ATP9A: variants seen among roughly 807,000 people sequenced by gnomAD.
ATP9A encodes the protein probable phospholipid-transporting ATPase IIA.
A neutral mutation model predicts 144.1 loss-of-function variants in ATP9A; 52 were observed. That is an observed-to-expected ratio of 0.36 (90% CI 0.29 to 0.45). The LOEUF (loss-of-function observed/expected upper bound fraction) is 0.45. Among genes scored for constraint, ATP9A ranks in the 20% least tolerant of loss-of-function variants. The pLI is 1.00. For missense variants in ATP9A, 947 were observed against 1,392.7 expected, an observed-to-expected ratio of 0.68 and a Z score of 5.09; for synonymous variants, 582 against 557.4, an observed-to-expected ratio of 1.04 and a Z score of -0.62.
chr20:51,696,418 C>T (rs1355441016), intron 5 of ATP9A, among the ~76,000 whole-genome samples: 3 of 152,192 alleles, frequency 2.0e-5, no homozygotes, highest in African/African-American at 7.2e-5. Context: ...CTGGCACATT[C>T]AACCATTACC....
chr20:51,608,655 C>T (rs950580057), intron 24 of ATP9A, 29 bp from the exon 25 acceptor site: 2 of 1,438,188 alleles, frequency 1.4e-6, no homozygotes, highest in Non-Finnish European at 2.0e-6. Context: ...ATAGGTAAGA[C>T]CTGGCTGACG....
In ATP9A at chr20:51,610,052, T is replaced by G. The variant is rs745942155; in HGVS notation, c.2636+49A>C. On this transcript the variant is annotated intron_variant, in intron 24 of 27. Coordinates refer to ENST00000338821, the MANE Select transcript of ATP9A (RefSeq NM_006045.3). ...CACGTTTCTTCTCTCTGTTGCAGCA[T>G]TTGAAGAAGGTTTTGTAAACAATTA... The G allele has an allele frequency of 2.6e-5, 39 of 1,495,018 alleles. No individual in the cohort carries two copies. The South Asian group carries it at 4.3e-4, about 17-fold the overall frequency. 92.6% of individuals were successfully genotyped at this position (1,495,018 alleles called of 1,614,324 possible).
At chr20:51,704,729 G>A (rs141772062) in intron 4 of ATP9A, among the ~76,000 whole-genome samples, 33 of 152,318 alleles carry the variant, frequency 2.2e-4, no homozygotes, top group African/African-American at 7.5e-4. Flanking sequence ...GTGGTGAGCC[G>A]AGATCGCGCC....
rs140201139 is a variant in ATP9A at position 51,671,221 on chromosome 20, G to A, written c.1074C>T (p.Tyr358=). 3.1e-6 allele frequency: 5 copies of A among 1,613,966 alleles called. No homozygotes were observed. The highest frequency in any genetic ancestry group is 3.3e-5 in the Admixed American group (2 of 59,988). Residue 358 remains tyrosine (Y), a synonymous_variant, in exon 12 of 28, where the codon TAC becomes TAT. Coordinates refer to ENST00000338821, the MANE Select transcript of ATP9A (RefSeq NM_006045.3). The part of the protein sequence containing the change: ...RVNLDMGKIV[Y]SWVIRRDSKI... ...TCGAGTCCCTTCGAATCACCCAGCTGTACACGATCTTGCCCATGTCCAGGT... is the reference window on the plus strand; with the variant it reads ...TCGAGTCCCTTCGAATCACCCAGCTATACACGATCTTGCCCATGTCCAGGT...
At chr20:51,684,036 T>C (rs909663578) in intron 9 of ATP9A, among the ~76,000 whole-genome samples, 9 of 152,066 alleles carry the variant, frequency 5.9e-5, no homozygotes, top group Admixed American at 3.3e-4. Flanking sequence ...ATACAAAAAC[T>C]TAGCCAGGCA....
At chr20:51,693,583 G>C (rs1158576953) in intron 7 of ATP9A, among the ~76,000 whole-genome samples, 2 of 152,076 alleles carry the variant, frequency 1.3e-5, no homozygotes, top group Non-Finnish European at 2.9e-5. Flanking sequence ...CTGGAGTGCA[G>C]TTGCTATTCC....
Position 51,611,019 on chromosome 20 carries a change from C to T in ATP9A, c.2572-854G>A, listed in dbSNP as rs1360473968. On this transcript the variant is annotated intron_variant, in intron 23 of 27. Transcript: ENST00000338821. This position sits in a 1 kb window ranked among gnomAD's most constrained non-coding sequence, Gnocchi z 4.2. ...AGCTCTGTTAGCTCCATCTCTGGAC[C>T]TCTATGGGCTAACAGAGGAAACACG... is the stretch of plus-strand genomic sequence containing the variant. Among the ~76,000 whole-genome samples the T allele has an allele frequency of 6.6e-6, 1 of 152,162 alleles. No individual in the cohort carries two copies. Among genetic ancestry groups the T allele is most frequent in the African/African-American group, 2.4e-5 (1 of 41,446 alleles).
intron 4 of ATP9A, among the ~76,000 whole-genome samples, chr20:51,709,660 G>C (rs943472882): frequency 3.3e-5 from 5 of 152,310 alleles, no homozygotes; most frequent in East Asian, 1.9e-4. Context: ...CTGGAAGGCG[G>C]AGGTTGCAGT....
intron 27 of ATP9A, among the ~76,000 whole-genome samples, chr20:51,603,261 G>A (rs2122702950): frequency 6.6e-6 from 1 of 152,280 alleles, no homozygotes; most frequent in Admixed American, 6.5e-5. Flanking sequence ...GAGGAAAGAG[G>A]TGTAAAGAGG....
At chr20:51,688,464 G>A (rs4811219) in intron 9 of ATP9A, among the ~76,000 whole-genome samples, 26,329 of 151,834 alleles carry the variant, frequency 0.17, 2,479 homozygotes, top group South Asian at 0.23. Flanking sequence ...TGGTGGTGCG[G>A]GCCTATAATC....
At chr20:51,667,699 C>G (rs374256080) in intron 13 of ATP9A, among the ~76,000 whole-genome samples, 1 of 151,864 alleles carries the variant, frequency 6.6e-6, no homozygotes, top group Non-Finnish European at 1.5e-5. Context: ...CAGGGGGTCA[C>G]GGCAGACAGG....
intron 4 of ATP9A, among the ~76,000 whole-genome samples, chr20:51,702,364 T>TTG (rs1491160658): frequency 6.6e-5 from 6 of 90,970 alleles, no homozygotes; most frequent in African/African-American, 3.0e-4. Context: ...GTGTGTGTGT[T>TTG]CGTGTGTGTG....
intron 13 of ATP9A, among the ~76,000 whole-genome samples, chr20:51,662,405 C>T (rs188581012): frequency 1.3e-5 from 2 of 151,820 alleles, no homozygotes; most frequent in Admixed American, 6.6e-5. Context: ...ATTAGCTGGG[C>T]GTGGTGGCAG....
At chr20:51,674,921 T>C (rs1479230429) in intron 10 of ATP9A, among the ~76,000 whole-genome samples, 1 of 152,196 alleles carries the variant, frequency 6.6e-6, no homozygotes, top group Non-Finnish European at 1.5e-5. Flanking sequence ...CAAGCGATTC[T>C]CCTACCTCAG....
intron 12 of ATP9A, among the ~76,000 whole-genome samples, chr20:51,670,793 T>A (rs927502071): frequency 6.6e-6 from 1 of 152,290 alleles, no homozygotes; most frequent in Non-Finnish European, 1.5e-5. Flanking sequence ...CTTCGGCTAC[T>A]ATGCGCCCGT....
chr20:51,613,601 C>A, intron 23 of ATP9A, 76 bp downstream of exon 23: 1 of 1,430,352 alleles, frequency 7.0e-7, no homozygotes, highest in Non-Finnish European at 9.4e-7. Flanking sequence ...TGTACATGTG[C>A]AGAGGGAGCA....
intron 19 of ATP9A, among the ~76,000 whole-genome samples, 170 bp downstream of exon 19, chr20:51,621,904 C>T (rs752647239): frequency 2.6e-5 from 4 of 152,132 alleles, no homozygotes; most frequent in Non-Finnish European, 5.9e-5. Context: ...ACTCTCCAGC[C>T]GGCGCCTGGG....
intron 15 of ATP9A, among the ~76,000 whole-genome samples, chr20:51,638,724 C>T (rs1235321719): frequency 3.3e-5 from 5 of 151,964 alleles, no homozygotes; most frequent in Non-Finnish European, 5.9e-5. Context: ...TGAGTCAGCC[C>T]TGGTTTTGCA....
At chr20:51,648,363 A>C (rs975177186) in intron 14 of ATP9A, among the ~76,000 whole-genome samples, 14 of 152,212 alleles carry the variant, frequency 9.2e-5, no homozygotes, top group African/African-American at 3.1e-4. Flanking sequence ...AAAAGGAGAC[A>C]AACGGGACCT....
Sources: allele counts gnomAD v4.1 joint callset (sites outside exome capture counted in the v4.1 genomes callset), GRCh38; gene constraint gnomAD v4.1.1; non-coding constraint Gnocchi (gnomAD v3.1); transcripts MANE v1.5; gene names NCBI Gene and HGNC (gene_info 2026-07-23, HGNC 2026-07-21).